Variants in INPP5F observed in about 807,000 individuals in gnomAD.
INPP5F encodes the protein phosphatidylinositide 4-phosphatase SAC2.
Under a neutral mutation model 137.2 loss-of-function variants are expected in INPP5F, and 97 were observed. The observed-to-expected ratio is 0.71, with a 90% CI of 0.60 to 0.84. The LOEUF (loss-of-function observed/expected upper bound fraction) is 0.84, where lower values mean the gene tolerates loss of function less well. Among genes scored for constraint, INPP5F ranks in the 40% least tolerant of loss-of-function variants. The pLI, the probability that INPP5F is intolerant of heterozygous loss-of-function variation, is 0.00. For missense variants in INPP5F, 1,271 were observed against 1,371.9 expected (o/e 0.93, Z 1.16); for synonymous variants, 504 against 476.9 (o/e 1.06, Z -0.74).
chr10:119,827,314 G>T lies in INPP5F; in HGVS notation c.2933G>T (p.Arg978Ile). The change falls in exon 20 of 20, where the codon AGA becomes ATA. Residue 978 changes from arginine to isoleucine, a missense_variant. By Grantham distance (97) the Arg-to-Ile change is moderately conservative (BLOSUM62 -3). Coordinates refer to ENST00000650623, the MANE Select transcript of INPP5F (RefSeq NM_014937.4). ...AAAGTGACCCACCTATCAGAGACCA[G>T]ATCTGTGTCTCAGCAGGCTAGTCAG... is the stretch of plus-strand genomic sequence containing the variant. The part of the protein sequence containing the change: ...QNKVTHLSET[R>I]SVSQQASQER... 1 of 1,614,126 alleles carries T rather than the reference G, an allele frequency of 6.2e-7. No individual in the cohort carries two copies. Among genetic ancestry groups the T allele is most frequent in the Non-Finnish European group, 8.5e-7 (1 of 1,179,986 alleles).
intron 1 of INPP5F, among the ~76,000 whole-genome samples, chr10:119,741,249 C>G (rs1407837537): frequency 6.6e-6 from 1 of 152,196 alleles, no homozygotes; most frequent in Non-Finnish European, 1.5e-5. Flanking sequence ...TGGCTTCAGG[C>G]CCCTTCATGT....
rs374129807 is a variant in INPP5F at position 119,749,335 on chromosome 10, G to A, written c.98-1741G>A. On this transcript the variant is annotated intron_variant, in intron 1 of 19. Transcript: ENST00000650623. ...CTCCATGGAGGGCGCAGCCCTGGCC[G>A]CGCCTCCCCGGATGCATCCAGACAG... is the stretch of plus-strand genomic sequence containing the variant. Among the ~76,000 whole-genome samples the A allele has an allele frequency of 4.6e-5, 7 of 152,366 alleles. No individual in the cohort carries two copies. In the East Asian group the frequency reaches 5.8e-4, roughly 13 times the overall value.
intron 15 of INPP5F, among the ~76,000 whole-genome samples, chr10:119,813,088 T>C (rs1034126451): frequency 2.0e-5 from 3 of 152,232 alleles, no homozygotes; most frequent in Non-Finnish European, 2.9e-5. Context: ...TTTGGGATAA[T>C]CAAAATTGGG....
chr10:119,827,629 G>GT lies in INPP5F; in HGVS notation c.3249dup (p.Ile1084TyrfsTer25). 2 of 1,614,162 alleles carry GT rather than the reference G, an allele frequency of 1.2e-6. No individual in the cohort carries two copies. Among genetic ancestry groups the GT allele is most frequent in the Non-Finnish European group, 1.7e-6 (2 of 1,180,032 alleles). ...CGAAGTTCCATGGTCCAGGTTGCTAGTATTACCCAAGCTGGATTAACCCAT... is the reference window on the plus strand; with the variant it reads ...CGAAGTTCCATGGTCCAGGTTGCTAGTTATTACCCAAGCTGGATTAACCCAT... On this transcript the variant is annotated frameshift_variant, in exon 20 of 20. Transcript: ENST00000650623. LOFTEE classifies it high-confidence loss of function.
At chr10:119,823,047 A>G in intron 17 of INPP5F, 24 bp from the exon 18 acceptor site, 2 of 1,598,778 alleles carry the variant, frequency 1.3e-6, no homozygotes, top group Non-Finnish European at 8.5e-7. Context: ...ATTTAACTTT[A>G]TACGTATTCA....
At chr10:119,769,648 A>G (rs1849278861) in intron 2 of INPP5F, among the ~76,000 whole-genome samples, 1 of 152,160 alleles carries the variant, frequency 6.6e-6, no homozygotes, top group African/African-American at 2.4e-5. Context: ...GTATGAATTC[A>G]CTGTGTTTGA....
intron 2 of INPP5F, among the ~76,000 whole-genome samples, chr10:119,769,835 G>C (rs1450852249): frequency 2.0e-5 from 3 of 152,088 alleles, no homozygotes; most frequent in Non-Finnish European, 4.4e-5. Context: ...AGGCTTTTCT[G>C]GTTCTCCAGC....
At position 119,781,705 on chromosome 10, in the gene INPP5F, C is replaced by T. The variant is rs1182132157; in HGVS notation, c.249C>T (p.Val83=). Reference sequence around the variant, plus strand: ...GCAAACTCCCAGGAGACCATGAGGTCTGTAAAGTTACCAAAATTGCTGTGC... The same window carrying T: ...GCAAACTCCCAGGAGACCATGAGGTTTGTAAAGTTACCAAAATTGCTGTGC... The part of the protein sequence containing the change: ...LVGKLPGDHE[V]CKVTKIAVLS... Residue 83 remains valine, a synonymous_variant, in exon 3 of 20, where the codon GTC becomes GTT. Coordinates refer to ENST00000650623, the MANE Select transcript of INPP5F (RefSeq NM_014937.4). 2.5e-6 allele frequency: 4 copies of T among 1,612,772 alleles called. No individual in the cohort carries two copies. Among genetic ancestry groups the T allele is most frequent in the Non-Finnish European group, 3.4e-6 (4 of 1,179,044 alleles).
intron 1 of INPP5F, among the ~76,000 whole-genome samples, chr10:119,740,829 C>A (rs767278643): frequency 6.6e-6 from 1 of 152,240 alleles, no homozygotes; most frequent in Non-Finnish European, 1.5e-5. Flanking sequence ...GCGCGAGCCA[C>A]TGTGCCCGGC....
chr10:119,726,296 C>T lies in INPP5F; in HGVS notation c.34C>T (p.Leu12=), dbSNP rs761382600. 8 of 1,491,378 alleles carry T rather than the reference C, an allele frequency of 5.4e-6. No homozygotes were observed. Among genetic ancestry groups the T allele is most frequent in the Non-Finnish European group, 7.1e-6 (8 of 1,119,862 alleles). 92.4% of individuals were successfully genotyped at this position (1,491,378 alleles called of 1,614,324 possible). Residue 12 remains leucine, a synonymous_variant, in exon 1 of 20, where the codon CTG becomes TTG. Transcript: ENST00000650623. The stretch of plus-strand genomic sequence containing the variant: ...CTTCCAAGCCAAGGACCACTACATC[C>T]TGCAGCAGGGCGAGCGCGCGCTGTG... ...ELFQAKDHYI[L]QQGERALWCS...
Position 119,726,271 on chromosome 10 carries a change from C to G in INPP5F, c.9C>G (p.Leu3=), listed in dbSNP as rs769756590. 1 of 1,483,938 alleles carries G rather than the reference C, an allele frequency of 6.7e-7. No homozygotes were observed. The highest frequency in any genetic ancestry group is 1.3e-5 in the South Asian group (1 of 78,252). 91.9% of individuals were successfully genotyped at this position (1,483,938 alleles called of 1,614,324 possible). A position where few individuals can be genotyped will look rare whatever the true frequency, so the allele number is the denominator to read the frequency against. Residue 3 remains leucine (L), a synonymous_variant, in exon 1 of 20, where the codon CTC becomes CTG. Coordinates refer to ENST00000650623, the MANE Select transcript of INPP5F (RefSeq NM_014937.4). Reference sequence around the variant, plus strand: ...GGGCGCGCGGGGCCAGCATGGAGCTCTTCCAAGCCAAGGACCACTACATCC... The same window carrying G: ...GGGCGCGCGGGGCCAGCATGGAGCTGTTCCAAGCCAAGGACCACTACATCC... ME[L]FQAKDHYILQ...
At chr10:119,732,390 G>C (rs1287746102) in intron 1 of INPP5F, among the ~76,000 whole-genome samples, 1 of 152,002 alleles carries the variant, frequency 6.6e-6, no homozygotes, top group African/African-American at 2.4e-5. Flanking sequence ...AGGTTTTACA[G>C]ATTGAGGGAG....
At chr10:119,800,932 A>T (rs2134232964) in intron 9 of INPP5F, among the ~76,000 whole-genome samples, 1 of 135,284 alleles carries the variant, frequency 7.4e-6, no homozygotes, top group East Asian at 2.2e-4. Flanking sequence ...CAGGTGACAG[A>T]GCAACACTCT....
In INPP5F at chr10:119,826,955, C is replaced by T. The variant is rs1851784540; in HGVS notation, c.2574C>T (p.Tyr858=). The change falls in exon 20 of 20, where the codon TAC becomes TAT. Residue 858 remains tyrosine, a synonymous_variant. Coordinates refer to ENST00000650623, the MANE Select transcript of INPP5F (RefSeq NM_014937.4). The stretch of plus-strand genomic sequence containing the variant: ...ACATGTCTTCAGATAATGACTCATA[C>T]CACTCTGATGAATTCCTTACAAATT... ...DGDMSSDNDS[Y]HSDEFLTNSK... The T allele has an allele frequency of 1.9e-6, 3 of 1,613,824 alleles. No homozygotes were observed. The highest frequency in any genetic ancestry group is 2.5e-6 in the Non-Finnish European group (3 of 1,179,726).
chr10:119,785,569 A>AGAGAGAGAGAGAGACT, intron 3 of INPP5F, among the ~76,000 whole-genome samples: 1 of 151,182 alleles, frequency 6.6e-6, no homozygotes, highest in East Asian at 1.9e-4. Flanking sequence ...AGAGAGAGAG[A>AGAGAGAGAGAGAGACT]GAGAGAGAGA....
intron 2 of INPP5F, among the ~76,000 whole-genome samples, chr10:119,773,232 T>A (rs180905819): frequency 7.2e-5 from 11 of 152,134 alleles, no homozygotes; most frequent in Non-Finnish European, 1.5e-4. Context: ...AATTTTTGTA[T>A]TTTTTGTAGA....
intron 2 of INPP5F, among the ~76,000 whole-genome samples, chr10:119,764,934 T>C (rs1391785746): frequency 6.6e-6 from 1 of 151,402 alleles, no homozygotes; most frequent in Non-Finnish European, 1.5e-5. Flanking sequence ...TTTATTCATT[T>C]ATTTATTTAT....
rs1445829147 is a variant in INPP5F, at chr10:119,794,877, G to A, written c.670-1838G>A. ...CCCCCTCCCCACCTCCCTCCCGGACGGGGCGGCTGGCCGGGCGGGGGGCTG... is the reference window on the plus strand; with the variant it reads ...CCCCCTCCCCACCTCCCTCCCGGACAGGGCGGCTGGCCGGGCGGGGGGCTG... On this transcript the variant is annotated intron_variant, in intron 6 of 19. Coordinates refer to ENST00000650623, the MANE Select transcript of INPP5F (RefSeq NM_014937.4). Among the ~76,000 whole-genome samples the A allele has an allele frequency of 3.5e-4, 42 of 121,600 alleles. 1 individual carries two copies. Among genetic ancestry groups the A allele is most frequent in the African/African-American group, 1.1e-3 (39 of 34,572 alleles). 79.8% of individuals were successfully genotyped at this position (121,600 alleles called of 152,430 possible). A position where few individuals can be genotyped will look rare whatever the true frequency, so the allele number is the denominator to read the frequency against.
Position 119,820,839 on chromosome 10 carries a change from T to C in INPP5F, c.1887-7T>C. 3 of 1,599,986 alleles carry C rather than the reference T, an allele frequency of 1.9e-6. No individual in the cohort carries two copies. Among genetic ancestry groups the C allele is most frequent in the Non-Finnish European group, 2.6e-6 (3 of 1,167,106 alleles). ...AATACTTAATCTCCTGTGTCATATT[T>C]GTTTAGCCTCATTGATGCTACTCAC... On this transcript the variant is annotated splice_polypyrimidine_tract_variant and splice_region_variant and intron_variant, in intron 15 of 19. Coordinates refer to ENST00000650623, the MANE Select transcript of INPP5F (RefSeq NM_014937.4).
Sources: allele counts gnomAD v4.1 joint callset (sites outside exome capture counted in the v4.1 genomes callset), GRCh38; gene constraint gnomAD v4.1.1; transcripts MANE v1.5; gene names NCBI Gene and HGNC (gene_info 2026-07-23, HGNC 2026-07-21).